The following FAF2 variants were observed in gnomAD, a reference collection of about 807,000 sequenced individuals.
FAF2 encodes Fas associated factor family member 2.
A neutral mutation model predicts 62.3 loss-of-function variants in FAF2; 9 were observed. That is an observed-to-expected ratio of 0.14 (90% CI 0.09 to 0.25). The LOEUF (loss-of-function observed/expected upper bound fraction) is 0.25. Ranked by LOEUF, FAF2 falls within the 10% of genes least tolerant of loss-of-function variation. FAF2 has a pLI of 1.00. For synonymous variants in FAF2, 202 were observed against 198.0 expected, an observed-to-expected ratio of 1.02 and a Z score of -0.17; for missense variants, 368 against 556.2, an observed-to-expected ratio of 0.66 and a Z score of 3.40.
chr5:176,452,753 G>A (rs1758211658), intron 1 of FAF2, among the ~76,000 whole-genome samples: 1 of 152,188 alleles, frequency 6.6e-6, no homozygotes, highest in African/African-American at 2.4e-5. Context: ...GATTTTGGAG[G>A]CCTTTCAAAG....
At chr5:176,471,813 C>T (rs992501973) in intron 1 of FAF2, among the ~76,000 whole-genome samples, 6 of 151,840 alleles carry the variant, frequency 4.0e-5, no homozygotes, top group Non-Finnish European at 8.8e-5. Flanking sequence ...CCTCAGCTTC[C>T]CCAGTAGCTG....
intron 1 of FAF2, among the ~76,000 whole-genome samples, chr5:176,472,133 T>C (rs531838484): frequency 1.2e-4 from 19 of 152,098 alleles, no homozygotes; most frequent in Non-Finnish European, 2.5e-4. Context: ...TTTTGAGTTT[T>C]TTTTTTTATT....
At chr5:176,500,700 T>A (rs1230420240) in intron 10 of FAF2, among the ~76,000 whole-genome samples, 3 of 152,226 alleles carry the variant, frequency 2.0e-5, no homozygotes, top group Non-Finnish European at 4.4e-5. Context: ...CACATGGAAG[T>A]CATTAAAAGC....
chr5:176,465,507 G>A (rs1758452154), intron 1 of FAF2, among the ~76,000 whole-genome samples: 1 of 150,992 alleles, frequency 6.6e-6, no homozygotes, highest in African/African-American at 2.4e-5. Flanking sequence ...AGCTGAGATT[G>A]CAGGCACCTG....
intron 1 of FAF2, among the ~76,000 whole-genome samples, chr5:176,458,124 C>T (rs1758308838): frequency 6.6e-6 from 1 of 152,178 alleles, no homozygotes; most frequent in Non-Finnish European, 1.5e-5. Context: ...ATCTGTCGCC[C>T]AGGCTGGAGT....
chr5:176,454,556 C>T (rs938134490), intron 1 of FAF2, among the ~76,000 whole-genome samples: 2 of 116,140 alleles, frequency 1.7e-5, no homozygotes, highest in African/African-American at 6.8e-5. Context: ...CTAACCTGGG[C>T]AACAGAGCCA....
intron 1 of FAF2, among the ~76,000 whole-genome samples, chr5:176,478,628 A>T (rs111881319): frequency 2.6e-5 from 4 of 152,348 alleles, no homozygotes; most frequent in African/African-American, 9.6e-5. Flanking sequence ...CATTATGTAG[A>T]GGTTGAGTAT....
chr5:176,492,088 T>C (rs924194175), intron 4 of FAF2, 106 bp from the exon 5 acceptor site: 8 of 1,317,300 alleles, frequency 6.1e-6, no homozygotes, highest in Middle Eastern at 2.5e-4. Flanking sequence ...TCACCTCCCT[T>C]TGTTGCCGTG....
rs540957231 is a variant in FAF2, at chr5:176,463,802, T to C, written c.63+15332T>C. 6.0e-5 allele frequency among the ~76,000 whole-genome samples: 9 copies of C among 149,970 alleles called. No individual in the cohort carries two copies. The South Asian group carries it at 1.9e-3, about 32-fold the overall frequency. ...TGGAGTGCAGTGGCGTGATCTTGGCTCACTGCAACCTCCGCCTCCCGGGTT... is the reference window on the plus strand; with the variant it reads ...TGGAGTGCAGTGGCGTGATCTTGGCCCACTGCAACCTCCGCCTCCCGGGTT... On this transcript the variant is annotated intron_variant, in intron 1 of 10. Transcript: ENST00000261942.
At chr5:176,451,890 ATATTTT>A (rs1758192520) in intron 1 of FAF2, among the ~76,000 whole-genome samples, 3 of 34,220 alleles carry the variant, frequency 8.8e-5, no homozygotes, top group Admixed American at 4.7e-4. Context: ...ATATATATAT[ATATTTT>A]TTTTTTTTTT....
intron 1 of FAF2, among the ~76,000 whole-genome samples, chr5:176,458,995 A>G (rs1758328169): frequency 6.6e-6 from 1 of 152,048 alleles, no homozygotes. Flanking sequence ...GTGTGTAGTA[A>G]TTGTCATAAT....
At chr5:176,495,795 A>G (rs1047714849) in intron 7 of FAF2, among the ~76,000 whole-genome samples, 5 of 151,776 alleles carry the variant, frequency 3.3e-5, no homozygotes, top group Admixed American at 2.0e-4. Context: ...TTAAAGGTGG[A>G]GCTACCAGCC....
chr5:176,476,624 T>TC, intron 1 of FAF2, among the ~76,000 whole-genome samples: 1 of 139,752 alleles, frequency 7.2e-6, no homozygotes, highest in African/African-American at 2.7e-5. Context: ...AAGATTAGAG[T>TC]CCCTTTTTTT....
chr5:176,475,480 T>C lies in FAF2; in HGVS notation c.64-3708T>C, dbSNP rs150531170. 5.9e-5 allele frequency among the ~76,000 whole-genome samples: 9 copies of C among 152,240 alleles called. No homozygotes were observed. In the East Asian group the frequency reaches 1.7e-3, roughly 29 times the overall value. Reference sequence around the variant, plus strand: ...TTATAATCTCTATTCCTACTTAGAATTACATATCAATACCAGCCGGGCACG... The same window carrying C: ...TTATAATCTCTATTCCTACTTAGAACTACATATCAATACCAGCCGGGCACG... On this transcript the variant is annotated intron_variant, in intron 1 of 10. Coordinates refer to ENST00000261942, the MANE Select transcript of FAF2 (RefSeq NM_014613.3).
At chr5:176,490,095 A>G (rs928187960) in intron 4 of FAF2, among the ~76,000 whole-genome samples, 3 of 152,052 alleles carry the variant, frequency 2.0e-5, no homozygotes, top group Non-Finnish European at 4.4e-5. Context: ...GCGGATCACA[A>G]CGTCAGGAGA....
intron 1 of FAF2, among the ~76,000 whole-genome samples, chr5:176,458,266 G>C (rs1418076494): frequency 6.6e-6 from 1 of 151,766 alleles, no homozygotes; most frequent in East Asian, 1.9e-4. Flanking sequence ...ATTTTTAGTA[G>C]AGATGGGGTT....
chr5:176,492,517 G>C (rs1758990931), intron 5 of FAF2, among the ~76,000 whole-genome samples, 185 bp downstream of exon 5: 1 of 152,144 alleles, frequency 6.6e-6, no homozygotes, highest in Non-Finnish European at 1.5e-5. Flanking sequence ...ATCTAATGCT[G>C]CCCTTCTTTT....
At chr5:176,460,578 C>T (rs1340216563) in intron 1 of FAF2, among the ~76,000 whole-genome samples, 1 of 149,286 alleles carries the variant, frequency 6.7e-6, no homozygotes, top group Non-Finnish European at 1.5e-5. Flanking sequence ...GAGGGTCTCA[C>T]TTTGTTGCCT....
intron 2 of FAF2, among the ~76,000 whole-genome samples, chr5:176,479,895 A>G (rs1758761154): frequency 6.6e-6 from 1 of 152,046 alleles, no homozygotes; most frequent in Admixed American, 6.6e-5. Context: ...GGGTTTCACC[A>G]TGTTGCCTAG....
Sources: allele counts gnomAD v4.1 joint callset (sites outside exome capture counted in the v4.1 genomes callset), GRCh38; gene constraint gnomAD v4.1.1; transcripts MANE v1.5; gene names NCBI Gene and HGNC (gene_info 2026-07-23, HGNC 2026-07-21).